The following GUSB variants were observed in gnomAD, a reference collection of about 807,000 sequenced individuals.
GUSB encodes the protein beta-glucuronidase.
A neutral mutation model predicts 74.6 loss-of-function variants in GUSB; 51 were observed. The ratio of observed to expected loss-of-function variants is 0.68; its 90% CI spans 0.55 to 0.86. The LOEUF (loss-of-function observed/expected upper bound fraction) is 0.86, where lower values mean the gene tolerates loss of function less well. Ranked by LOEUF, GUSB falls within the 40% of genes least tolerant of loss-of-function variation. The pLI is 0.00. For missense variants in GUSB, 736 were observed against 853.7 expected, an observed-to-expected ratio of 0.86 and a Z score of 1.72; for synonymous variants, 360 against 348.3, an observed-to-expected ratio of 1.03 and a Z score of -0.37.
intron 9 of GUSB, 34 bp from the exon 10 acceptor site, chr7:65,967,941 C>T (rs2115876236): frequency 6.4e-7 from 1 of 1,570,570 alleles, no homozygotes; most frequent in Non-Finnish European, 8.7e-7. Context: ...GTTCAGCACT[C>T]AGTAGACAGC....
intron 10 of GUSB, among the ~76,000 whole-genome samples, chr7:65,965,092 A>ATATATAT (rs548280038): frequency 8.6e-5 from 13 of 150,562 alleles, no homozygotes; most frequent in Admixed American, 1.3e-4. Context: ...TATATATATA[A>ATATATAT]AAATTAAATT....
intron 5 of GUSB, chr7:65,975,300 A>G: frequency 1.8e-6 from 1 of 553,078 alleles, no homozygotes; most frequent in Non-Finnish European, 3.3e-6. Flanking sequence ...GAGTTCCCAC[A>G]CTTTGGGAGG....
rs1562686272 is a variant in GUSB at position 65,974,694 on chromosome 7, T to C, written c.1076A>G (p.Lys359Arg). The C allele has an allele frequency of 6.2e-7, 1 of 1,612,980 alleles. No individual in the cohort carries two copies. Among genetic ancestry groups the C allele is most frequent in the Non-Finnish European group, 8.5e-7 (1 of 1,180,018 alleles). The change falls in exon 7 of 12, where the codon AAG becomes AGG. Residue 359 changes from lysine (K) to arginine (R), a missense_variant. By Grantham distance (26) the Lys-to-Arg change is conservative. Around this residue, in one of 2 missense-constraint regions of GUSB, gnomAD observed 368 missense variants for 489.9 expected, o/e 0.75. Coordinates refer to ENST00000304895, the MANE Select transcript of GUSB (RefSeq NM_000181.4). ...NKHEDADIRG[K>R]GFDWPLLVKD... is the part of the protein sequence containing the mutation. ...CACCAGCAGCGGCCAGTCGAAGCCC[T>C]TCCCTCGGATCTAGGAGATAGCAGA...
Position 65,974,654 on chromosome 7 carries a change from C to T in GUSB, c.1116G>A (p.Leu372=), listed in dbSNP as rs778654745. The change falls in exon 7 of 12, where the codon CTG becomes CTA. Residue 372 remains leucine (L), a synonymous_variant. Transcript: ENST00000304895. ...DWPLLVKDFN[L]LRWLGANAFR... ...AAGCGTTGGCACCAAGCCAGCGAAG[C>T]AGGTTGAAGTCCTTCACCAGCAGCG... 5.6e-6 allele frequency: 9 copies of T among 1,613,826 alleles called. No individual in the cohort carries two copies. Among genetic ancestry groups the T allele is most frequent in the Non-Finnish European group, 6.8e-6 (8 of 1,180,056 alleles).
At chr7:65,963,634 C>T (rs1790645345) in intron 11 of GUSB, among the ~76,000 whole-genome samples, 1 of 152,212 alleles carries the variant, frequency 6.6e-6, no homozygotes, top group South Asian at 2.1e-4. Flanking sequence ...CAGCCTCCAA[C>T]TCCTGTGCTC....
chr7:65,970,930 T>C (rs1286231464), intron 8 of GUSB, among the ~76,000 whole-genome samples: 1 of 150,008 alleles, frequency 6.7e-6, no homozygotes, highest in Non-Finnish European at 1.5e-5. Flanking sequence ...AAAAAAAGCA[T>C]GGAGCCGCTG....
chr7:65,962,057 T>C (rs1446306199), intron 11 of GUSB, among the ~76,000 whole-genome samples: 3 of 151,860 alleles, frequency 2.0e-5, no homozygotes, highest in East Asian at 1.9e-4. Flanking sequence ...AAGGTTTACA[T>C]GCTGGGTACC....
Position 65,960,872 on chromosome 7 carries a change from GAC to G in GUSB, c.*23_*24del. The G allele has an allele frequency of 6.2e-7, 1 of 1,606,826 alleles. No individual in the cohort carries two copies. The highest frequency in any genetic ancestry group is 8.5e-7 in the Non-Finnish European group (1 of 1,173,454). The stretch of plus-strand genomic sequence containing the variant: ...AGTCGCCCTGACTCGGGGAGGAAGG[GAC>G]ACGCAGGTGGTATCAGTCTTGCTCA... On this transcript the variant is annotated 3_prime_UTR_variant, in exon 12 of 12. Coordinates refer to ENST00000304895, the MANE Select transcript of GUSB (RefSeq NM_000181.4).
At chr7:65,978,749 C>T (rs1293875798) in intron 4 of GUSB, among the ~76,000 whole-genome samples, 3 of 150,542 alleles carry the variant, frequency 2.0e-5, no homozygotes, top group Admixed American at 1.3e-4. Context: ...TCCAGCCTGG[C>T]GACAGAGCGA....
At chr7:65,963,471 A>G (rs1790632612) in intron 11 of GUSB, among the ~76,000 whole-genome samples, 1 of 152,232 alleles carries the variant, frequency 6.6e-6, no homozygotes, top group African/African-American at 2.4e-5. Flanking sequence ...CTAAGAAGAA[A>G]TGGGACACAT....
intron 4 of GUSB, among the ~76,000 whole-genome samples, chr7:65,978,649 A>G (rs56171161): frequency 0.12 from 17,849 of 143,290 alleles, 1,187 homozygotes; most frequent in Middle Eastern, 0.22. Context: ...GCGGGTGCCT[A>G]TAATCCCAGT....
chr7:65,977,729 T>C (rs1405837531), intron 4 of GUSB, among the ~76,000 whole-genome samples: 1 of 151,530 alleles, frequency 6.6e-6, no homozygotes, highest in East Asian at 2.0e-4. Context: ...CCACAACGGC[T>C]GTCAATAATC....
At chr7:65,975,309 G>A in intron 5 of GUSB, 2 of 538,290 alleles carry the variant, frequency 3.7e-6, no homozygotes, top group East Asian at 6.8e-5. Flanking sequence ...CACTTTGGGA[G>A]GCTAAGGCAG....
At chr7:65,979,699 T>C (rs775063026) in intron 3 of GUSB, 28 bp downstream of exon 3, 1 of 1,607,776 alleles carries the variant, frequency 6.2e-7, no homozygotes, top group Non-Finnish European at 8.5e-7. Context: ...AAGGTGGGTG[T>C]GTGCAATGGA....
At chr7:65,978,122 A>G (rs1791715233) in intron 4 of GUSB, among the ~76,000 whole-genome samples, 1 of 152,138 alleles carries the variant, frequency 6.6e-6, no homozygotes, top group African/African-American at 2.4e-5. Flanking sequence ...AAAAAGATAT[A>G]TTTTTAAAAA....
At position 65,964,679 on chromosome 7, in the gene GUSB, GCTTT is replaced by G. The variant is rs369226647; in HGVS notation, c.1654-225_1654-222del. On this transcript the variant is annotated intron_variant, in intron 10 of 11. Coordinates refer to ENST00000304895, the MANE Select transcript of GUSB (RefSeq NM_000181.4). The stretch of plus-strand genomic sequence containing the variant: ...AAAAAAACAACCTTAATGAGCAGCT[GCTTT>G]ATTTATAAACGTAATTTGACATTCG... Among the ~76,000 whole-genome samples, 1,037 of 152,168 alleles carry G rather than the reference GCTTT, an allele frequency of 6.8e-3. 14 individuals are homozygous for G. Among genetic ancestry groups the G allele is most frequent in the African/African-American group, 0.023 (970 of 41,524 alleles).
chr7:65,981,680 A>T (rs1356692758), intron 1 of GUSB, among the ~76,000 whole-genome samples: 2 of 152,182 alleles, frequency 1.3e-5, no homozygotes, highest in Non-Finnish European at 2.9e-5. Context: ...TCTCAAAAAA[A>T]TTTTTAAAAA....
rs1790439505 is a variant in GUSB at position 65,960,884 on chromosome 7, G to GT, written c.*12dup. 6.2e-7 allele frequency: 1 copy of GT among 1,611,206 alleles called. No individual in the cohort carries two copies. The highest frequency in any genetic ancestry group is 8.5e-7 in the Non-Finnish European group (1 of 1,177,450). Reference sequence around the variant, plus strand: ...TCGGGGAGGAAGGGACACGCAGGTGGTATCAGTCTTGCTCAAGTAAACAGG... The same window carrying GT: ...TCGGGGAGGAAGGGACACGCAGGTGGTTATCAGTCTTGCTCAAGTAAACAGG... On this transcript the variant is annotated 3_prime_UTR_variant, in exon 12 of 12. Coordinates refer to ENST00000304895, the MANE Select transcript of GUSB (RefSeq NM_000181.4).
intron 8 of GUSB, among the ~76,000 whole-genome samples, chr7:65,973,491 G>A (rs1212657020): frequency 6.6e-6 from 1 of 152,224 alleles, no homozygotes; most frequent in African/African-American, 2.4e-5. Flanking sequence ...GGAGGCTGAG[G>A]CAGGAGAATC....
Sources: gnomAD v4.1 joint callset for allele counts (sites outside exome capture counted in the v4.1 genomes callset) on GRCh38, gnomAD v4.1.1 for gene constraint, gnomAD v4.1.1 regional missense constraint, MANE v1.5 for transcripts, NCBI Gene and HGNC (gene_info 2026-07-23, HGNC 2026-07-21) for gene names.